Variants in RIMS1 observed in about 807,000 individuals in gnomAD.
RIMS1 encodes the protein regulating synaptic membrane exocytosis protein 1.
A neutral mutation model predicts 214.1 loss-of-function variants in RIMS1; 83 were observed. That is an observed-to-expected ratio of 0.39 (90% CI 0.32 to 0.47). The LOEUF (loss-of-function observed/expected upper bound fraction) is 0.47. Ranked by LOEUF, RIMS1 falls within the 20% of genes least tolerant of loss-of-function variation. RIMS1 has a pLI of 0.99. For synonymous variants in RIMS1, 793 were observed against 786.8 expected, an observed-to-expected ratio of 1.01 and a Z score of -0.13; for missense variants, 2,050 against 2,161.8, an observed-to-expected ratio of 0.95 and a Z score of 1.03.
At chr6:72,322,321 T>C (rs1426179647) in intron 28 of RIMS1, among the ~76,000 whole-genome samples, 2 of 152,138 alleles carry the variant, frequency 1.3e-5, no homozygotes, top group East Asian at 1.9e-4. Flanking sequence ...AAGCAGGGTA[T>C]TGGGGGACTG....
intron 2 of RIMS1, among the ~76,000 whole-genome samples, chr6:71,970,386 A>C (rs1332397688): frequency 6.6e-6 from 1 of 152,202 alleles, no homozygotes; most frequent in Non-Finnish European, 1.5e-5. Context: ...GAATTAGAAA[A>C]CATTTTATTT....
intron 24 of RIMS1, among the ~76,000 whole-genome samples, chr6:72,288,870 C>T (rs1439061346): frequency 7.0e-6 from 1 of 141,908 alleles, no homozygotes; most frequent in Non-Finnish European, 1.6e-5. Context: ...TATTGAGGGA[C>T]TTTTCATGTC....
In RIMS1 at chr6:72,250,346, A is replaced by T. The variant is rs2154134123; in HGVS notation, c.2258A>T (p.Asp753Val). The change falls in exon 13 of 34, where the codon GAT (aspartate) becomes GTT (valine). Residue 753 changes from aspartate (D) to valine (V), a missense_variant. Physicochemically the swap from Asp to Val is radical, Grantham distance 152. Transcript: ENST00000521978. Reference sequence around the variant, plus strand: ...TGCTCCTAGGTGAAGTTGTGGTATGATAAAGTGGGACACCAGCTGATTGTA... The same window carrying T: ...TGCTCCTAGGTGAAGTTGTGGTATGTTAAAGTGGGACACCAGCTGATTGTA... ...PGQLSVKLWY[D>V]KVGHQLIVNV... 6.2e-7 allele frequency: 1 copy of T among 1,608,752 alleles called. No individual in the cohort carries two copies. The highest frequency in any genetic ancestry group is 8.5e-7 in the Non-Finnish European group (1 of 1,177,764).
intron 1 of RIMS1, among the ~76,000 whole-genome samples, chr6:71,890,475 A>G (rs536872932): frequency 1.4e-5 from 2 of 142,702 alleles, no homozygotes; most frequent in African/African-American, 2.5e-5. Flanking sequence ...GTTACTAGAC[A>G]TCATGAGCCA....
At chr6:72,398,161 C>T in intron 31 of RIMS1, 88 bp from the exon 32 acceptor site, 1 of 720,250 alleles carries the variant, frequency 1.4e-6, no homozygotes, top group East Asian at 2.8e-5. Flanking sequence ...AGATAAAAAT[C>T]TGTAGTCTGT....
chr6:72,085,529 C>T (rs150124522), intron 2 of RIMS1, among the ~76,000 whole-genome samples: 66 of 152,184 alleles, frequency 4.3e-4, no homozygotes, highest in Middle Eastern at 6.8e-3. Flanking sequence ...TGCATTTATG[C>T]TTAAAGTTTC....
intron 2 of RIMS1, among the ~76,000 whole-genome samples, chr6:71,992,392 CTT>C (rs1801851384): frequency 1.2e-5 from 1 of 81,752 alleles, no homozygotes; most frequent in Non-Finnish European, 2.4e-5. Context: ...TTGCTTCTTT[CTT>C]TCTCTCTCTC....
At chr6:72,340,159 G>A (rs1274688136) in intron 29 of RIMS1, among the ~76,000 whole-genome samples, 1 of 151,762 alleles carries the variant, frequency 6.6e-6, no homozygotes, top group Admixed American at 6.6e-5. Context: ...AAATTTGTTT[G>A]AGTTCATTGT....
intron 19 of RIMS1, chr6:72,262,359 A>G (rs566849731): frequency 1.0e-6 from 1 of 978,188 alleles, no homozygotes; most frequent in Non-Finnish European, 1.2e-6. Context: ...ATTTAAGCAA[A>G]TAATCATATT....
chr6:72,346,300 A>G (rs557385624), intron 29 of RIMS1, among the ~76,000 whole-genome samples: 1 of 151,962 alleles, frequency 6.6e-6, no homozygotes, highest in South Asian at 2.1e-4. Flanking sequence ...AGATTAATCC[A>G]GCTAATATTT....
chr6:72,002,285 G>A (rs1279495199), intron 2 of RIMS1, among the ~76,000 whole-genome samples: 4 of 151,650 alleles, frequency 2.6e-5, no homozygotes, highest in African/African-American at 4.8e-5. Flanking sequence ...GGCTCCAACA[G>A]GAGGAAAAGA....
intron 4 of RIMS1, among the ~76,000 whole-genome samples, chr6:72,101,127 G>A (rs958496234): frequency 1.3e-5 from 2 of 151,846 alleles, no homozygotes; most frequent in Admixed American, 1.3e-4. Context: ...TGGTGTTTAG[G>A]CAGATTTGGT....
intron 2 of RIMS1, among the ~76,000 whole-genome samples, chr6:72,078,897 A>G (rs1171734905): frequency 6.6e-6 from 1 of 152,172 alleles, no homozygotes; most frequent in African/African-American, 2.4e-5. Flanking sequence ...ACACACATAC[A>G]CACAGATACA....
At chr6:72,274,510 A>T in intron 23 of RIMS1, 78 bp downstream of exon 23, 1 of 1,112,122 alleles carries the variant, frequency 9.0e-7, no homozygotes, top group Non-Finnish European at 1.4e-6. Context: ...ACCAAGAGAA[A>T]AGTTGAATAT....
At chr6:71,901,868 C>G (rs1773738938) in intron 1 of RIMS1, among the ~76,000 whole-genome samples, 1 of 151,982 alleles carries the variant, frequency 6.6e-6, no homozygotes, top group Non-Finnish European at 1.5e-5. Context: ...ACAAGGAGAT[C>G]ACTGGTAACT....
At chr6:72,346,273 G>C (rs1242401964) in intron 29 of RIMS1, among the ~76,000 whole-genome samples, 1 of 151,810 alleles carries the variant, frequency 6.6e-6, no homozygotes, top group Non-Finnish European at 1.5e-5. Flanking sequence ...CATCGTTCAT[G>C]AATAGCAGTC....
chr6:72,211,365 CCTATCA>C (rs2053779084), intron 6 of RIMS1, among the ~76,000 whole-genome samples: 1 of 152,100 alleles, frequency 6.6e-6, no homozygotes, highest in Admixed American at 6.6e-5. Flanking sequence ...AGATTTACAT[CCTATCA>C]AAGTAAATTA....
intron 1 of RIMS1, among the ~76,000 whole-genome samples, chr6:71,943,320 T>G (rs920401440): frequency 2.6e-5 from 4 of 152,176 alleles, no homozygotes; most frequent in Non-Finnish European, 1.5e-5. Context: ...GGGAACAATT[T>G]GTTGATTTCT....
chr6:72,134,363 A>T (rs187558777), intron 4 of RIMS1, among the ~76,000 whole-genome samples: 1 of 152,130 alleles, frequency 6.6e-6, no homozygotes, highest in Admixed American at 6.5e-5. Flanking sequence ...TCAGCATTAC[A>T]CACAGCTTTA....
Sources: allele counts gnomAD v4.1 joint callset (sites outside exome capture counted in the v4.1 genomes callset), GRCh38; gene constraint gnomAD v4.1.1; transcripts MANE v1.5; gene names NCBI Gene and HGNC (gene_info 2026-07-23, HGNC 2026-07-21).